Variants in FLRT1 observed in about 807,000 individuals in gnomAD.
FLRT1 encodes fibronectin leucine rich transmembrane protein 1, also known as leucine-rich repeat transmembrane protein FLRT1.
Under a neutral mutation model 30.9 loss-of-function variants are expected in FLRT1, and 14 were observed. The observed-to-expected ratio is 0.45, with a 90% CI of 0.30 to 0.71. The LOEUF is 0.71. FLRT1 is among the 30% of genes least tolerant of loss of function. FLRT1 has a pLI of 0.08. For synonymous variants in FLRT1, 368 were observed against 430.4 expected, an observed-to-expected ratio of 0.85 and a Z score of 1.80; for missense variants, 737 against 949.2, an observed-to-expected ratio of 0.78 and a Z score of 2.94.
intron 1 of FLRT1, among the ~76,000 whole-genome samples, chr11:64,044,360 T>TC (rs2134395434): frequency 6.6e-6 from 1 of 151,630 alleles, no homozygotes; most frequent in East Asian, 1.9e-4. Flanking sequence ...CAAGTGATCC[T>TC]CCCACCTCAG....
rs543037879 is a variant in FLRT1 at position 64,117,554 on chromosome 11, C to T, written c.1287C>T (p.Pro429=). 9.3e-6 allele frequency: 15 copies of T among 1,605,886 alleles called. No individual in the cohort carries two copies. In the Admixed American group the frequency reaches 2.0e-4, roughly 22 times the overall value. ...TCCCCGACTCCAACATTGACTACCC[C>T]ATGGCCACGGGTGATGGCGCCAAGA... The part of the protein sequence containing the change: ...LRLPDSNIDY[P]MATGDGAKTL... The change falls in exon 3 of 3, where the codon CCC becomes CCT. Residue 429 remains proline, a synonymous_variant. Transcript: ENST00000682287.
At chr11:64,070,128 A>G (rs1944079542) in intron 1 of FLRT1, among the ~76,000 whole-genome samples, 1 of 152,114 alleles carries the variant, frequency 6.6e-6, no homozygotes, top group Admixed American at 6.5e-5. Flanking sequence ...CCCCTTACAT[A>G]GATGTGGAAA....
intron 2 of FLRT1, among the ~76,000 whole-genome samples, chr11:64,111,852 A>G (rs1315875644): frequency 6.6e-6 from 1 of 152,202 alleles, no homozygotes; most frequent in Non-Finnish European, 1.5e-5. Context: ...GCAGCCTGGG[A>G]TGGCCCTGGG....
intron 1 of FLRT1, among the ~76,000 whole-genome samples, chr11:64,097,948 C>G (rs764431356): frequency 2.0e-4 from 30 of 152,090 alleles, no homozygotes; most frequent in Non-Finnish European, 2.1e-4. Flanking sequence ...GAGGCGGGAA[C>G]CCACTCAGCA....
intron 1 of FLRT1, among the ~76,000 whole-genome samples, chr11:64,057,875 G>C (rs1042831511): frequency 2.6e-5 from 4 of 152,210 alleles, no homozygotes; most frequent in Admixed American, 1.3e-4. Context: ...GCACGAATTC[G>C]TGAGGTCACA....
At chr11:64,076,786 C>G (rs1664925439) in intron 1 of FLRT1, among the ~76,000 whole-genome samples, 1 of 152,206 alleles carries the variant, frequency 6.6e-6, no homozygotes, top group Admixed American at 6.5e-5. Context: ...AGGTGGGACC[C>G]AGGCTCTGGG....
chr11:64,078,425 G>C (rs536334070), intron 1 of FLRT1, among the ~76,000 whole-genome samples: 1 of 152,232 alleles, frequency 6.6e-6, no homozygotes, highest in Admixed American at 6.5e-5. Flanking sequence ...CAGCTGCACC[G>C]AAACATGGCC....
chr11:64,069,487 T>A (rs1944066050), intron 1 of FLRT1, among the ~76,000 whole-genome samples: 1 of 152,208 alleles, frequency 6.6e-6, no homozygotes, highest in Non-Finnish European at 1.5e-5. Context: ...CCCTTTAGCC[T>A]CTGGCTCTGG....
intron 2 of FLRT1, among the ~76,000 whole-genome samples, chr11:64,107,104 G>C (rs1047857867): frequency 6.6e-6 from 1 of 151,924 alleles, no homozygotes; most frequent in Non-Finnish European, 1.5e-5. Context: ...GGCTGGTTTT[G>C]AACTCCTGAC....
Position 64,065,565 on chromosome 11 carries a change from G to A in FLRT1, c.-1038+29406G>A, listed in dbSNP as rs750688092. ...AGCACTTTGGGAGGCCAAGGTGGGCGAATCACGAGGTCAGGAGATCAAGAC... is the reference window on the plus strand; with the variant it reads ...AGCACTTTGGGAGGCCAAGGTGGGCAAATCACGAGGTCAGGAGATCAAGAC... On this transcript the variant is annotated intron_variant, in intron 1 of 2. Transcript: ENST00000682287. Among the ~76,000 whole-genome samples, 9 of 152,170 alleles carry A rather than the reference G, an allele frequency of 5.9e-5. No individual in the cohort carries two copies. In the East Asian group the frequency reaches 1.2e-3, roughly 20 times the overall value.
rs190124483 is a variant in FLRT1, at chr11:64,070,586, C to G, written c.-1037-32608C>G. Among the ~76,000 whole-genome samples, 5 of 152,316 alleles carry G rather than the reference C, an allele frequency of 3.3e-5. 1 individual carries two copies. Among genetic ancestry groups the G allele is most frequent in the African/African-American group, 4.8e-5 (2 of 41,582 alleles). On this transcript the variant is annotated intron_variant, in intron 1 of 2. Transcript: ENST00000682287. ...GTGGGATCCAGCCTCACCCTCCCCT[C>G]TCCCCCGGAGGGGCCCCCTTCCCAG...
chr11:64,063,472 T>C (rs530659035), intron 1 of FLRT1, among the ~76,000 whole-genome samples: 2 of 152,186 alleles, frequency 1.3e-5, no homozygotes, highest in Admixed American at 6.5e-5. Context: ...TCTTGAAGGA[T>C]GAACAGTTCA....
intron 1 of FLRT1, among the ~76,000 whole-genome samples, chr11:64,089,057 G>A (rs562469095): frequency 2.6e-5 from 4 of 152,168 alleles, no homozygotes; most frequent in Admixed American, 6.5e-5. Context: ...CTCGTGCCCC[G>A]CCGGCTGTCC....
intron 1 of FLRT1, among the ~76,000 whole-genome samples, chr11:64,093,763 C>T (rs549192883): frequency 7.2e-4 from 110 of 152,306 alleles, no homozygotes; most frequent in African/African-American, 2.5e-3. Context: ...CTCTAAGAGC[C>T]CAGAACAGAA....
chr11:64,097,439 C>T (rs937616639), intron 1 of FLRT1, among the ~76,000 whole-genome samples: 2 of 152,144 alleles, frequency 1.3e-5, no homozygotes, highest in Admixed American at 6.5e-5. Flanking sequence ...GAGTGGGCCC[C>T]GCACCCCTGA....
At chr11:64,094,462 T>G (rs914261693) in intron 1 of FLRT1, among the ~76,000 whole-genome samples, 1 of 150,968 alleles carries the variant, frequency 6.6e-6, no homozygotes, top group African/African-American at 2.4e-5. Flanking sequence ...AAAACAAAGT[T>G]AAGCAGGCTG....
chr11:64,108,678 G>C (rs954028216), intron 2 of FLRT1, among the ~76,000 whole-genome samples: 1 of 152,260 alleles, frequency 6.6e-6, no homozygotes, highest in Non-Finnish European at 1.5e-5. Context: ...CTCTGGGGCT[G>C]AGAAACTGCT....
chr11:64,047,904 AAAAAAAAAAAAGG>A (rs1293463667), intron 1 of FLRT1, among the ~76,000 whole-genome samples: 1 of 151,652 alleles, frequency 6.6e-6, no homozygotes, highest in Admixed American at 6.6e-5. Context: ...TCTCAAAAAA[AAAAAAAAAAAAGG>A]AAGGAAGCAG....
intron 1 of FLRT1, among the ~76,000 whole-genome samples, chr11:64,088,951 C>A (rs1420506230): frequency 6.6e-6 from 1 of 152,106 alleles, no homozygotes; most frequent in Non-Finnish European, 1.5e-5. Context: ...GCAGCTGTCA[C>A]CATGGAGGCT....
Sources: gnomAD v4.1 joint callset for allele counts (sites outside exome capture counted in the v4.1 genomes callset) on GRCh38, gnomAD v4.1.1 for gene constraint, MANE v1.5 for transcripts, NCBI Gene and HGNC (gene_info 2026-07-23, HGNC 2026-07-21) for gene names.